IL1RAPL1: variants seen among roughly 807,000 people sequenced by gnomAD.
IL1RAPL1 encodes interleukin 1 receptor accessory protein like 1.
IL1RAPL1 carries 3 observed loss-of-function variants against 48.4 expected under a neutral mutation model. The observed-to-expected ratio is 0.06, with a 90% CI of 0.03 to 0.16. The LOEUF is 0.16. Ranked by LOEUF, IL1RAPL1 falls within the 10% of genes least tolerant of loss-of-function variation. The pLI is 1.00. For synonymous variants in IL1RAPL1, 185 were observed against 187.7 expected (o/e 0.99, Z 0.12); for missense variants, 349 against 530.6 (o/e 0.66, Z 3.36).
chrX:28,950,935 T>C (rs1340301369), intron 2 of IL1RAPL1, among the ~76,000 whole-genome samples: 1 of 106,057 alleles, frequency 9.4e-6, no homozygotes, highest in Non-Finnish European at 1.9e-5. Context: ...TGGAATACTA[T>C]GCAGCCATAA....
intron 2 of IL1RAPL1, among the ~76,000 whole-genome samples, chrX:29,260,449 C>T (rs1165525068): frequency 8.9e-6 from 1 of 112,126 alleles, no homozygotes; most frequent in African/African-American, 3.2e-5. Flanking sequence ...CACAAAACAG[C>T]TTGTGCTGGG....
At chrX:28,609,044 T>A (rs1934117485) in intron 1 of IL1RAPL1, among the ~76,000 whole-genome samples, 1 of 112,308 alleles carries the variant, frequency 8.9e-6, no homozygotes, top group Admixed American at 9.5e-5. Flanking sequence ...TATTTTAATT[T>A]GAAAATTTGA....
chrX:29,212,588 C>G (rs775244229), intron 2 of IL1RAPL1, among the ~76,000 whole-genome samples: 1 of 111,994 alleles, frequency 8.9e-6, no homozygotes, highest in Non-Finnish European at 1.9e-5. Flanking sequence ...GGATTACAGG[C>G]GTGAGCCACC....
chrX:28,872,951 TG>T (rs1922244068), intron 2 of IL1RAPL1, among the ~76,000 whole-genome samples: 1 of 111,435 alleles, frequency 9.0e-6, no homozygotes, highest in African/African-American at 3.3e-5. Context: ...AGCTTCATGA[TG>T]AAACACCTTG....
intron 2 of IL1RAPL1, among the ~76,000 whole-genome samples, chrX:29,156,859 G>T (rs1929579982): frequency 0.019 from 1 of 52 alleles, no homozygotes; most frequent in African/African-American, 0.067. Context: ...GAACTAAAAA[G>T]TTACCAAAGA....
At chrX:29,527,400 C>A (rs1348781374) in intron 5 of IL1RAPL1, among the ~76,000 whole-genome samples, 2 of 79,672 alleles carry the variant, frequency 2.5e-5, no homozygotes, top group Admixed American at 4.0e-4. Flanking sequence ...TACAGTGGTG[C>A]GATCTCAGCT....
chrX:29,593,038 C>T (rs1201399802), intron 5 of IL1RAPL1, among the ~76,000 whole-genome samples: 2 of 112,515 alleles, frequency 1.8e-5, no homozygotes, highest in African/African-American at 6.5e-5. Flanking sequence ...GGGAACTTCA[C>T]TTCTGTTCTT....
At chrX:28,886,373 A>G (rs1335823747) in intron 2 of IL1RAPL1, among the ~76,000 whole-genome samples, 2 of 109,778 alleles carry the variant, frequency 1.8e-5, no homozygotes, top group Non-Finnish European at 3.8e-5. Context: ...TACTATATAC[A>G]TATATGTATA....
chrX:29,811,056 C>A (rs1432159881), intron 6 of IL1RAPL1, among the ~76,000 whole-genome samples: 2 of 110,439 alleles, frequency 1.8e-5, no homozygotes, highest in African/African-American at 6.6e-5. Flanking sequence ...TCCTTCCTTC[C>A]CTCCTTTCTC....
chrX:29,609,759 G>A (rs529956283), intron 5 of IL1RAPL1, among the ~76,000 whole-genome samples: 24 of 111,606 alleles, frequency 2.2e-4, no homozygotes, highest in African/African-American at 7.2e-4. Context: ...TAACAGTCTC[G>A]GATTATGTAT....
chrX:28,814,104 A>G (rs1225492389), intron 2 of IL1RAPL1, among the ~76,000 whole-genome samples: 1 of 110,490 alleles, frequency 9.1e-6, no homozygotes, highest in Non-Finnish European at 1.9e-5. Context: ...TGCTCCTCCT[A>G]ATGAGTTACG....
intron 5 of IL1RAPL1, among the ~76,000 whole-genome samples, chrX:29,412,467 CTTAG>C (rs1263629677): frequency 9.0e-6 from 1 of 111,519 alleles, no homozygotes; most frequent in Non-Finnish European, 1.9e-5. Context: ...ATTTTAAAGA[CTTAG>C]TTTGACAAAA....
chrX:28,848,289 C>A (rs1361206848), intron 2 of IL1RAPL1, among the ~76,000 whole-genome samples: 1 of 110,960 alleles, frequency 9.0e-6, no homozygotes, highest in Non-Finnish European at 1.9e-5. Flanking sequence ...ATGTAACAAA[C>A]CTGCACGTTC....
intron 6 of IL1RAPL1, among the ~76,000 whole-genome samples, chrX:29,839,214 C>T (rs16988789): frequency 0.014 from 1,543 of 112,037 alleles, 20 homozygotes; most frequent in African/African-American, 0.047. Flanking sequence ...TTCTTAATCC[C>T]TCAGGCCCAG....
rs761304986 is a variant in IL1RAPL1, at chrX:29,769,857, C to T, written c.778+101353C>T. Among the ~76,000 whole-genome samples the T allele has an allele frequency of 8.2e-5, 9 of 109,943 alleles. No homozygotes were observed. The South Asian group carries it at 2.4e-3, about 29-fold the overall frequency. ...GTCTCGAACTCCTGACCTCGTGATC[C>T]GCCTGTCTTGGCCTCCCAAAGTGCT... On this transcript the variant is annotated intron_variant, in intron 6 of 10. Transcript: ENST00000378993.
chrX:29,484,030 T>C (rs1935070770), intron 5 of IL1RAPL1, among the ~76,000 whole-genome samples: 1 of 107,886 alleles, frequency 9.3e-6, no homozygotes. Context: ...AAAAAACTCA[T>C]TGAGCACCTA....
Position 28,851,334 on chromosome X carries a change from G to A in IL1RAPL1, c.82+61909G>A, listed in dbSNP as rs991668970. On this transcript the variant is annotated intron_variant, in intron 2 of 10. Coordinates refer to ENST00000378993, the MANE Select transcript of IL1RAPL1 (RefSeq NM_014271.4). ...CATATTTTGCAAAAATAGAAATTTT[G>A]CTTGTGGATAGCCTCCCAGAGTTGT... is the stretch of plus-strand genomic sequence containing the variant. Among the ~76,000 whole-genome samples the A allele has an allele frequency of 3.6e-5, 4 of 110,652 alleles. 1 individual carries two copies. The Admixed American group carries it at 3.9e-4, about 11-fold the overall frequency.
intron 5 of IL1RAPL1, among the ~76,000 whole-genome samples, chrX:29,531,118 G>T (rs1921025257): frequency 9.0e-6 from 1 of 110,869 alleles, no homozygotes; most frequent in African/African-American, 3.3e-5. Flanking sequence ...TGAACTATAA[G>T]ATGCACTCCA....
intron 6 of IL1RAPL1, among the ~76,000 whole-genome samples, chrX:29,867,590 C>T (rs971879110): frequency 5.5e-4 from 62 of 111,950 alleles, no homozygotes; most frequent in African/African-American, 1.9e-3. Flanking sequence ...AATAAATTCT[C>T]GTTTATAAAT....
Sources: allele counts gnomAD v4.1 joint callset (sites outside exome capture counted in the v4.1 genomes callset), GRCh38; gene constraint gnomAD v4.1.1; transcripts MANE v1.5; gene names NCBI Gene and HGNC (gene_info 2026-07-23, HGNC 2026-07-21).